TAL1: variants seen among roughly 807,000 people sequenced by gnomAD.
The protein encoded by TAL1 is TAL bHLH transcription factor 1, erythroid differentiation factor, also known as T-cell acute lymphocytic leukemia protein 1.
Under a neutral mutation model 17.9 loss-of-function variants are expected in TAL1, and 8 were observed. The observed-to-expected ratio is 0.45, with a 90% CI of 0.26 to 0.81. The LOEUF (loss-of-function observed/expected upper bound fraction) is 0.81. Among genes scored for constraint, TAL1 ranks in the 30% least tolerant of loss-of-function variants. The pLI, the probability that TAL1 is intolerant of heterozygous loss-of-function variation, is 0.17. For synonymous variants in TAL1, 223 were observed against 218.6 expected, an observed-to-expected ratio of 1.02 and a Z score of -0.18; for missense variants, 466 against 486.9, an observed-to-expected ratio of 0.96 and a Z score of 0.40.
exon 4 of TAL1, chr1:47,217,196 A>G (rs1221772356): frequency 3.9e-6 from 1 of 256,658 alleles, no homozygotes; most frequent in Non-Finnish European, 7.4e-6. Context: ...CCTGGGCAAT[A>G]TAGCAAGACT....
exon 2 of TAL1, chr1:47,225,802 C>T (rs1557679570): frequency 6.4e-7 from 1 of 1,571,304 alleles, no homozygotes; most frequent in Non-Finnish European, 8.6e-7. Context: ...GGACCAGGTG[C>T]GGGGGGGCCA....
exon 4 of TAL1, chr1:47,217,533 G>C: frequency 2.5e-6 from 1 of 398,616 alleles, no homozygotes; most frequent in Non-Finnish European, 4.4e-6. Flanking sequence ...CGTGGACTCA[G>C]GCTGCGAAAC....
upstream of TAL1, chr1:47,230,492 A>C (rs1643991859): frequency 6.6e-6 from 1 of 152,206 alleles, no homozygotes; most frequent in Admixed American, 6.5e-5. Flanking sequence ...GGAGGAAAGA[A>C]GAGGGGAATC....
At chr1:47,229,983 G>C (rs764464367), upstream of TAL1, 1 of 152,216 alleles carries the variant, frequency 6.6e-6, no homozygotes, top group Non-Finnish European at 1.5e-5. Flanking sequence ...TATCTGATCT[G>C]TTCAGGTCCT....
exon 4 of TAL1, chr1:47,216,833 A>T: frequency 4.3e-6 from 1 of 231,568 alleles, no homozygotes; most frequent in East Asian, 6.1e-5. Flanking sequence ...TCCCCTTTGT[A>T]CAGATGCTAT....
chr1:47,229,940 G>C (rs568862235), upstream of TAL1: 1 of 152,386 alleles, frequency 6.6e-6, no homozygotes, highest in African/African-American at 2.4e-5. Flanking sequence ...CTTTCCTACA[G>C]AAATGGAGTT....
chr1:47,223,112 C>T (rs1473730685), intron 3 of TAL1, among the ~76,000 whole-genome samples: 2 of 152,192 alleles, frequency 1.3e-5, no homozygotes, highest in Non-Finnish European at 2.9e-5. Context: ...GCTCCATACT[C>T]ATATTCCTCC....
At chr1:47,221,294 A>G (rs1479668375) in intron 3 of TAL1, among the ~76,000 whole-genome samples, 1 of 152,222 alleles carries the variant, frequency 6.6e-6, no homozygotes, top group East Asian at 1.9e-4. Context: ...GCCATGGCCT[A>G]TAGCTCTAGG....
chr1:47,217,379 A>T (rs981426127), exon 4 of TAL1: 5 of 394,434 alleles, frequency 1.3e-5, no homozygotes, highest in Admixed American at 8.9e-5. Context: ...AGAACAAGAC[A>T]CCGTCTCTCA....
At chr1:47,225,269 G>C (rs1025506105) in intron 2 of TAL1, among the ~76,000 whole-genome samples, 174 bp downstream of exon 3, 19 of 152,196 alleles carry the variant, frequency 1.2e-4, no homozygotes, top group Non-Finnish European at 2.5e-4. Flanking sequence ...CACTCACTCG[G>C]GGGCTCCAGC....
At chr1:47,231,644 C>T (rs1644016239), upstream of TAL1, 2 of 233,718 alleles carry the variant, frequency 8.6e-6, no homozygotes, top group Admixed American at 5.6e-5. Flanking sequence ...AGGGGCCACA[C>T]ACCCCCACAC....
chr1:47,231,418 T>G (rs898421515), upstream of TAL1, among the ~76,000 whole-genome samples: 2 of 139,042 alleles, frequency 1.4e-5, no homozygotes, highest in Non-Finnish European at 1.5e-5. Context: ...GGCATACAAC[T>G]CAGTGCGGAC....
intron 1 of TAL1, chr1:47,228,234 G>T (rs887624675): frequency 5.8e-6 from 1 of 171,148 alleles, no homozygotes; most frequent in Non-Finnish European, 1.3e-5. Flanking sequence ...AAATCCTGCC[G>T]GTTTAGGATT....
At chr1:47,221,091 C>T (rs1360115493) in intron 3 of TAL1, among the ~76,000 whole-genome samples, 1 of 152,202 alleles carries the variant, frequency 6.6e-6, no homozygotes, top group African/African-American at 2.4e-5. Flanking sequence ...TAGGCAGGGT[C>T]CAGACTCCAC....
upstream of TAL1, chr1:47,230,159 G>T (rs1420247705): frequency 2.0e-5 from 3 of 152,194 alleles, no homozygotes; most frequent in Admixed American, 2.0e-4. Flanking sequence ...GATTTTTCGG[G>T]GTTTAGACAG....
intron 2 of TAL1, among the ~76,000 whole-genome samples, chr1:47,224,403 A>AAC (rs3835389): frequency 0.018 from 2,671 of 148,694 alleles, 47 homozygotes; most frequent in African/African-American, 0.041. Context: ...CACAAAAATG[A>AAC]ACACACACAC....
At chr1:47,219,086 G>A in exon 4 of TAL1, 1 of 334,622 alleles carries the variant, frequency 3.0e-6, no homozygotes, top group Non-Finnish European at 5.6e-6. Flanking sequence ...AGAAGTAAGG[G>A]CGACTGGGTT....
exon 4 of TAL1, chr1:47,217,852 C>A (rs942976189): frequency 5.0e-6 from 2 of 397,818 alleles, no homozygotes; most frequent in Non-Finnish European, 4.4e-6. Flanking sequence ...GATGGGGCTC[C>A]TCACAGGATC....
chr1:47,225,389 G>C, intron 2 of TAL1, 54 bp downstream of exon 3: 1 of 1,222,086 alleles, frequency 8.2e-7, no homozygotes, highest in Non-Finnish European at 1.0e-6. Context: ...CCCGGTGGGG[G>C]TGGTCGCCCT....
Sources: gnomAD v4.1 joint callset for allele counts (sites outside exome capture counted in the v4.1 genomes callset) on GRCh38, gnomAD v4.1.1 for gene constraint, MANE v1.5 for transcripts, NCBI Gene and HGNC (gene_info 2026-07-23, HGNC 2026-07-21) for gene names.